MTOR: variants seen among roughly 807,000 people sequenced by gnomAD.
The protein encoded by MTOR is mechanistic target of rapamycin kinase.
Under a neutral mutation model 319.8 loss-of-function variants are expected in MTOR, and 70 were observed. The ratio of observed to expected loss-of-function variants is 0.22; its 90% CI spans 0.18 to 0.27. MTOR has a LOEUF of 0.27. Among genes scored for constraint, MTOR ranks in the 10% least tolerant of loss-of-function variants. MTOR has a pLI of 1.00. For synonymous variants in MTOR, 1,183 were observed against 1,211.4 expected (o/e 0.98, Z 0.49); for missense variants, 1,890 against 3,274.4 (o/e 0.58, Z 10.32).
At chr1:11,203,766 C>T (rs1571158372) in intron 26 of MTOR, among the ~76,000 whole-genome samples, 1 of 152,230 alleles carries the variant, frequency 6.6e-6, no homozygotes, top group Admixed American at 6.5e-5. Context: ...TACTTCTCCT[C>T]TCTCAAGAGG....
chr1:11,158,022 G>A (rs1400851084), intron 29 of MTOR, among the ~76,000 whole-genome samples: 2 of 152,134 alleles, frequency 1.3e-5, no homozygotes, highest in Non-Finnish European at 2.9e-5. Flanking sequence ...GGTGTGCCAC[G>A]CTGAAAGAGG....
rs1030075468 is a variant in MTOR at position 11,192,703 on chromosome 1, C to T, written c.4253+6555G>A. 2.7e-5 allele frequency among the ~76,000 whole-genome samples: 4 copies of T among 150,034 alleles called. No homozygotes were observed. The East Asian group carries it at 7.9e-4, about 30-fold the overall frequency. ...GAGGTTGCAGTGAGCCGAGATCACG[C>T]CACTGCACTATAATCTGGGAGACAA... On this transcript the variant is annotated intron_variant, in intron 28 of 57. Transcript: ENST00000361445.
intron 28 of MTOR, among the ~76,000 whole-genome samples, chr1:11,178,191 G>T (rs1445631566): frequency 6.6e-6 from 1 of 152,204 alleles, no homozygotes; most frequent in East Asian, 1.9e-4. Context: ...TACAAAGTCA[G>T]CTCTGGGAAT....
intron 30 of MTOR, among the ~76,000 whole-genome samples, chr1:11,150,968 A>G (rs565516052): frequency 1.3e-5 from 2 of 152,314 alleles, no homozygotes; most frequent in Admixed American, 6.5e-5. Flanking sequence ...GTGAGCTTCA[A>G]GATGCAGCTA....
At position 11,114,858 on chromosome 1, in the gene MTOR, C is replaced by T; in HGVS notation, c.7119G>A (p.Glu2373=). Residue 2373 remains glutamate, a synonymous_variant, in exon 52 of 58, where the codon GAG becomes GAA. Transcript: ENST00000361445. Reference sequence around the variant, plus strand: ...TTCTTGTTAGTCTAAATGGAATCTTCTCTGGAAACTTCTCTCGGGTCATAG... The same window carrying T: ...TTCTTGTTAGTCTAAATGGAATCTTTTCTGGAAACTTCTCTCGGGTCATAG... ...EVAMTREKFP[E]KIPFRLTRML... 1 of 1,614,158 alleles carries T rather than the reference C, an allele frequency of 6.2e-7. No homozygotes were observed. Among genetic ancestry groups the T allele is most frequent in the Non-Finnish European group, 8.5e-7 (1 of 1,180,018 alleles).
intron 8 of MTOR, among the ~76,000 whole-genome samples, chr1:11,246,730 C>T (rs568888675): frequency 6.6e-5 from 10 of 152,288 alleles, no homozygotes; most frequent in Middle Eastern, 6.8e-3. Context: ...AGGCAATGAG[C>T]ACCACGGTAA....
chr1:11,108,503 C>G lies in MTOR; in HGVS notation c.7529-217G>C, dbSNP rs566089398. Among the ~76,000 whole-genome samples the G allele has an allele frequency of 1.4e-4, 21 of 151,656 alleles. No individual in the cohort carries two copies. The East Asian group carries it at 3.9e-3, about 28-fold the overall frequency. On this transcript the variant is annotated intron_variant, in intron 56 of 57. Coordinates refer to ENST00000361445, the MANE Select transcript of MTOR (RefSeq NM_004958.4). Reference sequence around the variant, plus strand: ...CTGAGGCAGGCAGATCACCTGAGGTCAGGAGTTCAACACCAGCCTGGCCAA... The same window carrying G: ...CTGAGGCAGGCAGATCACCTGAGGTGAGGAGTTCAACACCAGCCTGGCCAA...
At chr1:11,208,302 G>A (rs1391195474) in intron 25 of MTOR, among the ~76,000 whole-genome samples, 1 of 152,234 alleles carries the variant, frequency 6.6e-6, no homozygotes, top group East Asian at 1.9e-4. Flanking sequence ...CCCAGCAAAC[G>A]TTTCTTAGCA....
In MTOR at chr1:11,109,659, A is replaced by G; in HGVS notation, c.7437T>C (p.Ile2479=). The change falls in exon 55 of 58, where the codon ATT becomes ATC. Residue 2479 remains isoleucine (I), a synonymous_variant. Transcript: ENST00000361445. This position sits in a 1 kb window ranked among gnomAD's most constrained non-coding sequence, Gnocchi z 4.0. ...AGAGGCTGAACTTACTGAAAGAATG[A>G]ATAGATTCTGGCACTGTGGTCCCCG... The part of the protein sequence containing the change: ...KKTGTTVPES[I]HSFIGDGLVK... 6.2e-7 allele frequency: 1 copy of G among 1,614,142 alleles called. No individual in the cohort carries two copies.
At chr1:11,194,718 A>G (rs1288249187) in intron 28 of MTOR, 1 of 1,609,822 alleles carries the variant, frequency 6.2e-7, no homozygotes, top group East Asian at 2.2e-5. Flanking sequence ...ATCCCACTTG[A>G]GGAGAAAGAG....
At chr1:11,229,406 C>A (rs549424482) in intron 18 of MTOR, among the ~76,000 whole-genome samples, 5 of 152,216 alleles carry the variant, frequency 3.3e-5, no homozygotes, top group Admixed American at 6.5e-5. Flanking sequence ...GCAGCGGGGG[C>A]AGTGGCAAGG....
chr1:11,231,472 C>T (rs377384941), intron 16 of MTOR, 38 bp from the exon 17 acceptor site: 43 of 1,608,448 alleles, frequency 2.7e-5, no homozygotes, highest in Admixed American at 6.8e-5. Context: ...TGAGCCAGTA[C>T]GAGAGAAAAG....
At chr1:11,187,154 T>C (rs1034351512) in intron 28 of MTOR, among the ~76,000 whole-genome samples, 1 of 152,202 alleles carries the variant, frequency 6.6e-6, no homozygotes, top group Non-Finnish European at 1.5e-5. Context: ...AAACAAAAGC[T>C]GGCTAGAACT....
chr1:11,207,086 T>A (rs1009132660), intron 25 of MTOR, among the ~76,000 whole-genome samples: 1 of 152,080 alleles, frequency 6.6e-6, no homozygotes, highest in Non-Finnish European at 1.5e-5. Context: ...AACAATGAGG[T>A]CTGCTGCCTT....
intron 12 of MTOR, 130 bp downstream of exon 12, chr1:11,238,272 G>A: frequency 2.9e-6 from 3 of 1,041,728 alleles, no homozygotes; most frequent in South Asian, 2.9e-5. Flanking sequence ...ACACGCCTTG[G>A]CAGAGAAATA....
chr1:11,133,249 C>T lies in MTOR; in HGVS notation c.5247-52G>A. The T allele has an allele frequency of 6.9e-7, 1 of 1,440,046 alleles. No individual in the cohort carries two copies. The highest frequency in any genetic ancestry group is 9.8e-7 in the Non-Finnish European group (1 of 1,022,766). 89.2% of individuals were successfully genotyped at this position (1,440,046 alleles called of 1,614,324 possible). ...GACATTCCCTCCTCAAAACAGCCCT[C>T]CTAAGAGGACCACAAATTGTTAGGG... On this transcript the variant is annotated intron_variant, in intron 37 of 57. Coordinates refer to ENST00000361445, the MANE Select transcript of MTOR (RefSeq NM_004958.4). This position sits in a 1 kb window ranked among gnomAD's most constrained non-coding sequence, Gnocchi z 4.0.
Position 11,212,438 on chromosome 1 carries a change from G to A in MTOR, c.3435C>T (p.Ser1145=), listed in dbSNP as rs759801530. The A allele has an allele frequency of 3.1e-6, 5 of 1,614,110 alleles. No individual in the cohort carries two copies. In the Admixed American group the frequency reaches 6.7e-5, roughly 22 times the overall value. ...GGGAGGCATAGTCAGTGAAATCCAG[G>A]GACTCCGTCAGGCGGTCCACAGTCT... ...ALETVDRLTE[S]LDFTDYASRI... is the part of the protein sequence containing the mutation. The change falls in exon 23 of 58, where the codon TCC becomes TCT. Residue 1145 remains serine (S), a synonymous_variant. Transcript: ENST00000361445. The surrounding 1 kb of genome is among the most constrained non-coding windows in gnomAD (Gnocchi z 4.1).
At position 11,150,262 on chromosome 1, in the gene MTOR, A is replaced by AT. The variant is rs774901138; in HGVS notation, c.4470-37_4470-36insA. ...TGAATTATATAGTCAGATTAATCCA[A>AT]ATCTCCTTAAACTACCAATCTTCCT... is the stretch of plus-strand genomic sequence containing the variant. On this transcript the variant is annotated intron_variant, in intron 30 of 57. Transcript: ENST00000361445. 6 of 1,566,004 alleles carry AT rather than the reference A, an allele frequency of 3.8e-6. No individual in the cohort carries two copies. In the East Asian group the frequency reaches 1.4e-4, roughly 36 times the overall value.
At position 11,115,531 on chromosome 1, in the gene MTOR, A is replaced by G. The variant is rs1642118735; in HGVS notation, c.7017-63T>C. 2 of 1,494,586 alleles carry G rather than the reference A, an allele frequency of 1.3e-6. No individual in the cohort carries two copies. Among genetic ancestry groups the G allele is most frequent in the Admixed American group, 1.7e-5 (1 of 59,798 alleles). 92.6% of individuals were successfully genotyped at this position (1,494,586 alleles called of 1,614,324 possible). On this transcript the variant is annotated intron_variant, in intron 50 of 57. Transcript: ENST00000361445. The surrounding 1 kb of genome is among the most constrained non-coding windows in gnomAD (Gnocchi z 4.5). ...AGAGATAACGGATGAAAAAATCAAT[A>G]AGTACGTGATACTGTAAGCTAGGAG...
Sources: allele counts gnomAD v4.1 joint callset (sites outside exome capture counted in the v4.1 genomes callset), GRCh38; gene constraint gnomAD v4.1.1; non-coding constraint Gnocchi (gnomAD v3.1); transcripts MANE v1.5; gene names NCBI Gene and HGNC (gene_info 2026-07-23, HGNC 2026-07-21).